Variants in PTPN13 observed in about 807,000 individuals in gnomAD.
PTPN13 encodes tyrosine-protein phosphatase non-receptor type 13.
Under a neutral mutation model 284.0 loss-of-function variants are expected in PTPN13, and 191 were observed. The ratio of observed to expected loss-of-function variants is 0.67; its 90% confidence interval spans 0.60 to 0.76. PTPN13 has a LOEUF of 0.76. Among genes scored for constraint, PTPN13 ranks in the 30% least tolerant of loss-of-function variants. PTPN13 has a pLI of 0.00. For missense variants in PTPN13, 2,797 were observed against 2,939.9 expected, an observed-to-expected ratio of 0.95 and a Z score of 1.12; for synonymous variants, 986 against 1,022.3, an observed-to-expected ratio of 0.96 and a Z score of 0.68.
At chr4:86,764,434 A>T (rs564379910) in intron 24 of PTPN13, among the ~76,000 whole-genome samples, 159 bp from the exon 25 acceptor site, 1 of 151,974 alleles carries the variant, frequency 6.6e-6, no homozygotes, top group African/African-American at 2.4e-5. Flanking sequence ...CTTTTTCATA[A>T]TTTTTCCAAA....
chr4:86,728,661 T>TTTTTTTTTTTG (rs1734585059), intron 10 of PTPN13, among the ~76,000 whole-genome samples: 1 of 108,456 alleles, frequency 9.2e-6, no homozygotes, highest in African/African-American at 3.5e-5. Context: ...TTTTTTTTTT[T>TTTTTTTTTTTG]TTTTTTTTTT....
At chr4:86,717,876 G>C (rs1211143831) in intron 9 of PTPN13, among the ~76,000 whole-genome samples, 2 of 152,086 alleles carry the variant, frequency 1.3e-5, no homozygotes, top group Admixed American at 6.5e-5. Flanking sequence ...ATTATTCACT[G>C]TATCTTTCCT....
chr4:86,811,123 G>C lies in PTPN13; in HGVS notation c.7362+15G>C, dbSNP rs375208923. ...TTCAGACAGAGGTGAGTCATGGCTG[G>C]GCCTCCTAATGAGAATTTTTGTAAA... On this transcript the variant is annotated intron_variant, in intron 47 of 47. Transcript: ENST00000411767. The C allele has an allele frequency of 2.9e-5, 47 of 1,602,662 alleles. No individual in the cohort carries two copies. The highest frequency in any genetic ancestry group is 4.0e-5 in the Non-Finnish European group (47 of 1,172,538).
intron 1 of PTPN13, among the ~76,000 whole-genome samples, chr4:86,617,851 A>G (rs1720748689): frequency 6.6e-6 from 1 of 152,076 alleles, no homozygotes; most frequent in Non-Finnish European, 1.5e-5. Context: ...GTAGATTGCA[A>G]AAATTTTCTC....
At chr4:86,626,205 C>T (rs1365675213) in intron 1 of PTPN13, among the ~76,000 whole-genome samples, 1 of 152,048 alleles carries the variant, frequency 6.6e-6, no homozygotes, top group Non-Finnish European at 1.5e-5. Flanking sequence ...TTGAAGCTGT[C>T]CTTTGAAAGC....
intron 16 of PTPN13, 57 bp downstream of exon 16, chr4:86,741,873 T>C (rs1355156455): frequency 2.1e-6 from 3 of 1,431,226 alleles, no homozygotes; most frequent in East Asian, 4.9e-5. Flanking sequence ...CAACTTCCAA[T>C]GTAACATATT....
chr4:86,725,213 A>G (rs1734108756), intron 10 of PTPN13, among the ~76,000 whole-genome samples: 1 of 150,192 alleles, frequency 6.7e-6, no homozygotes, highest in Admixed American at 6.7e-5. Flanking sequence ...TATTCAGTCT[A>G]TCATCGATGG....
At chr4:86,776,613 A>G (rs1241033231) in intron 35 of PTPN13, among the ~76,000 whole-genome samples, 1 of 152,206 alleles carries the variant, frequency 6.6e-6, no homozygotes, top group Admixed American at 6.5e-5. Flanking sequence ...AAAATATCAT[A>G]AGTCAAAACC....
Position 86,662,002 on chromosome 4 carries a change from A to C in PTPN13, c.116-10363A>C, listed in dbSNP as rs180989365. Among the ~76,000 whole-genome samples, 4 of 152,388 alleles carry C rather than the reference A, an allele frequency of 2.6e-5. No homozygotes were observed. The East Asian group carries it at 7.7e-4, about 29-fold the overall frequency. On this transcript the variant is annotated intron_variant, in intron 2 of 47. Transcript: ENST00000411767. Reference sequence around the variant, plus strand: ...TGTCTGCACTTGCAAAAATAAAAAAAAATTTAAAACCTGCTGCTTTATAAA... The same window carrying C: ...TGTCTGCACTTGCAAAAATAAAAAACAATTTAAAACCTGCTGCTTTATAAA...
intron 10 of PTPN13, among the ~76,000 whole-genome samples, chr4:86,724,682 A>G (rs1248067392): frequency 2.0e-5 from 3 of 152,118 alleles, no homozygotes; most frequent in African/African-American, 7.2e-5. Context: ...AGTTTGAATT[A>G]ATATTCTTTC....
chr4:86,678,169 G>A (rs1364390771), intron 3 of PTPN13, among the ~76,000 whole-genome samples: 1 of 152,152 alleles, frequency 6.6e-6, no homozygotes, highest in Non-Finnish European at 1.5e-5. Flanking sequence ...ATGTGTTGTG[G>A]GGAAAGGGTT....
At chr4:86,776,742 C>G (rs970658570) in intron 35 of PTPN13, among the ~76,000 whole-genome samples, 1 of 152,178 alleles carries the variant, frequency 6.6e-6, no homozygotes, top group African/African-American at 2.4e-5. Context: ...TCATCTAACA[C>G]AAAGCTTATT....
At chr4:86,629,205 A>G (rs1230629059) in intron 1 of PTPN13, among the ~76,000 whole-genome samples, 98 of 148,408 alleles carry the variant, frequency 6.6e-4, no homozygotes, top group Non-Finnish European at 1.3e-3. Context: ...TCATCTGACA[A>G]AGGGCTAATA....
At chr4:86,717,157 C>T in intron 9 of PTPN13, 40 bp downstream of exon 9, 1 of 1,358,070 alleles carries the variant, frequency 7.4e-7, no homozygotes, top group Non-Finnish European at 1.0e-6. Flanking sequence ...TTTCCAGTGA[C>T]CAGTGTTTGT....
chr4:86,809,884 G>T lies in PTPN13; in HGVS notation c.7199G>T (p.Arg2400Ile), dbSNP rs1290129767. The change falls in exon 46 of 48, where the codon AGA becomes ATA. Residue 2400 changes from arginine to isoleucine, a missense_variant. Arg to Ile is a moderately conservative substitution (Grantham distance 97). Transcript: ENST00000411767. Reference sequence around the variant, plus strand: ...ATCTCCTACATGAGACACATCCACAGATCAGGCCCAATCATTACGCACTGC... The same window carrying T: ...ATCTCCTACATGAGACACATCCACATATCAGGCCCAATCATTACGCACTGC... Reference protein sequence around the residue: ...TFISYMRHIHRSGPIITHCSA... With the variant: ...TFISYMRHIHISGPIITHCSA... 1 of 1,613,990 alleles carries T rather than the reference G, an allele frequency of 6.2e-7. No individual in the cohort carries two copies. The highest frequency in any genetic ancestry group is 1.7e-5 in the Admixed American group (1 of 60,016).
chr4:86,762,875 G>T lies in PTPN13; in HGVS notation c.3702G>T (p.Gly1234=), dbSNP rs144599677. Residue 1234 remains glycine (G), a synonymous_variant, in exon 24 of 48, where the codon GGG becomes GGT. Coordinates refer to ENST00000411767, the MANE Select transcript of PTPN13 (RefSeq NM_080683.3). The part of the protein sequence containing the change: ...TLRHISENSF[G]PSGGLREGSL... ...GGCACATCTCGGAGAACTCCTTTGG[G>T]CCATCTGGGGGCCTGCGGGAAGGAA... is the stretch of plus-strand genomic sequence containing the variant. The T allele has an allele frequency of 1.3e-4, 213 of 1,613,830 alleles. No individual in the cohort carries two copies. Among genetic ancestry groups the T allele is most frequent in the Middle Eastern group, 3.3e-4 (2 of 6,062 alleles).
intron 2 of PTPN13, among the ~76,000 whole-genome samples, chr4:86,660,558 G>T (rs1215923344): frequency 6.6e-6 from 1 of 152,042 alleles, no homozygotes; most frequent in Non-Finnish European, 1.5e-5. Context: ...TAATTTTGTT[G>T]ATTAAGAGGG....
chr4:86,759,718 A>G (rs572983091), intron 23 of PTPN13, among the ~76,000 whole-genome samples: 2 of 152,360 alleles, frequency 1.3e-5, no homozygotes, highest in South Asian at 2.1e-4. Context: ...GCAAAATCAC[A>G]TGAACCTTCT....
At chr4:86,706,493 G>T (rs1163256987) in intron 7 of PTPN13, among the ~76,000 whole-genome samples, 2 of 152,240 alleles carry the variant, frequency 1.3e-5, no homozygotes, top group South Asian at 2.1e-4. Flanking sequence ...ACCATAAGGT[G>T]CAGGGGTTAA....
Sources: allele counts gnomAD v4.1 joint callset (sites outside exome capture counted in the v4.1 genomes callset), GRCh38; gene constraint gnomAD v4.1.1; transcripts MANE v1.5; gene names NCBI Gene and HGNC (gene_info 2026-07-23, HGNC 2026-07-21).